The following PDZD2 variants were observed in gnomAD, a reference collection of about 807,000 sequenced individuals.
PDZD2 encodes PDZ domain-containing protein 2.
A neutral mutation model predicts 220.7 loss-of-function variants in PDZD2; 90 were observed. The ratio of observed to expected loss-of-function variants is 0.41; its 90% CI spans 0.34 to 0.49. The LOEUF (loss-of-function observed/expected upper bound fraction) is 0.49. Among genes scored for constraint, PDZD2 ranks in the 20% least tolerant of loss-of-function variants. PDZD2 has a pLI of 0.28. For missense variants in PDZD2, 3,174 were observed against 3,608.5 expected (o/e 0.88, Z 3.08); for synonymous variants, 1,375 against 1,450.5 (o/e 0.95, Z 1.18).
At chr5:32,067,214 A>G (rs1028075044) in intron 14 of PDZD2, among the ~76,000 whole-genome samples, 7 of 152,184 alleles carry the variant, frequency 4.6e-5, no homozygotes, top group Non-Finnish European at 7.3e-5. Context: ...CAGTTGGGTT[A>G]CTTAAGCCTT....
rs1743931466 is a variant in PDZD2, at chr5:32,098,359, C to G, written c.7948-5C>G. The G allele has an allele frequency of 3.7e-6, 6 of 1,613,294 alleles. No homozygotes were observed. The highest frequency in any genetic ancestry group is 5.1e-6 in the Non-Finnish European group (6 of 1,179,490). On this transcript the variant is annotated splice_region_variant and splice_polypyrimidine_tract_variant and intron_variant, in intron 22 of 24. Transcript: ENST00000438447. The surrounding 1 kb of genome is among the most constrained non-coding windows in gnomAD (Gnocchi z 4.1). The stretch of plus-strand genomic sequence containing the variant: ...TTTTGTTCCCTTTTCCTTTCCTCAT[C>G]CCAGGTCCACAGGGTGTTTTCTCAG...
intron 14 of PDZD2, among the ~76,000 whole-genome samples, chr5:32,069,128 T>C (rs1740504697): frequency 6.6e-6 from 1 of 151,828 alleles, no homozygotes; most frequent in African/African-American, 2.4e-5. Flanking sequence ...TAGCCAGGCG[T>C]GGTGGTGCGC....
chr5:31,735,447 G>A (rs1749801304), intron 1 of PDZD2, among the ~76,000 whole-genome samples: 1 of 152,152 alleles, frequency 6.6e-6, no homozygotes, highest in Non-Finnish European at 1.5e-5. Flanking sequence ...ATCTGGTAAA[G>A]CTAACCAAGA....
chr5:31,988,447 G>A (rs1561275054), intron 3 of PDZD2, among the ~76,000 whole-genome samples: 3 of 147,508 alleles, frequency 2.0e-5, no homozygotes, highest in African/African-American at 2.5e-5. Flanking sequence ...GGGGTGGGGG[G>A]GGTGCATCAC....
intron 3 of PDZD2, among the ~76,000 whole-genome samples, chr5:31,984,600 G>A (rs796318603): frequency 9.2e-5 from 14 of 152,296 alleles, no homozygotes; most frequent in African/African-American, 3.4e-4. Flanking sequence ...CCAGCAGCTT[G>A]TGACTGTAGT....
intron 2 of PDZD2, chr5:31,840,441 TA>T (rs1561499382): frequency 0.042 from 4,065 of 95,944 alleles, 462 homozygotes; most frequent in Non-Finnish European, 0.048. Flanking sequence ...TATATATATA[TA>T]TATATATTTG....
Position 32,076,307 on chromosome 5 carries a change from A to C in PDZD2, c.3538-1155A>C, listed in dbSNP as rs1004299385. ...TCTCAAGAAAAAAAAAAAAAAAAAAAAACAAATCACAAGTTTTGGATAACT... is the reference window on the plus strand; with the variant it reads ...TCTCAAGAAAAAAAAAAAAAAAAAACAACAAATCACAAGTTTTGGATAACT... On this transcript the variant is annotated intron_variant, in intron 18 of 24. Transcript: ENST00000438447. Among the ~76,000 whole-genome samples the C allele has an allele frequency of 3.3e-5, 5 of 151,538 alleles. No individual in the cohort carries two copies. The East Asian group carries it at 5.8e-4, about 17-fold the overall frequency.
At chr5:32,052,302 C>T (rs1237752322) in intron 8 of PDZD2, among the ~76,000 whole-genome samples, 4 of 152,166 alleles carry the variant, frequency 2.6e-5, no homozygotes, top group Admixed American at 1.3e-4. Flanking sequence ...TCCACCACCA[C>T]ACCCAGCTAA....
intron 2 of PDZD2, among the ~76,000 whole-genome samples, chr5:31,807,955 C>T (rs998977864): frequency 1.3e-5 from 2 of 152,198 alleles, no homozygotes; most frequent in African/African-American, 4.8e-5. Flanking sequence ...AGGGTTGTTG[C>T]AAGCTTAGGC....
chr5:31,982,903 A>T (rs1386439051), intron 2 of PDZD2, among the ~76,000 whole-genome samples: 1 of 152,174 alleles, frequency 6.6e-6, no homozygotes. Context: ...TCCTGATCCT[A>T]CGGTACTTAA....
intron 2 of PDZD2, among the ~76,000 whole-genome samples, chr5:31,888,067 T>C (rs1372535807): frequency 6.6e-6 from 1 of 152,194 alleles, no homozygotes; most frequent in Non-Finnish European, 1.5e-5. Context: ...TTTACAGCAG[T>C]GGAATTTGGA....
intron 1 of PDZD2, among the ~76,000 whole-genome samples, chr5:31,751,396 G>C (rs938997408): frequency 2.0e-5 from 3 of 152,126 alleles, no homozygotes; most frequent in Non-Finnish European, 4.4e-5. Context: ...AATGATGGGG[G>C]CTTGTGCTAT....
intron 2 of PDZD2, among the ~76,000 whole-genome samples, chr5:31,898,096 C>T (rs577569693): frequency 6.6e-6 from 1 of 152,288 alleles, no homozygotes; most frequent in South Asian, 2.1e-4. Flanking sequence ...TCATTTGTCT[C>T]CTCCCTGGAG....
intron 2 of PDZD2, among the ~76,000 whole-genome samples, chr5:31,811,149 T>C (rs1356271417): frequency 6.6e-6 from 1 of 152,182 alleles, no homozygotes; most frequent in Non-Finnish European, 1.5e-5. Flanking sequence ...CATGCCCGGC[T>C]AATTTTTTGT....
intron 2 of PDZD2, among the ~76,000 whole-genome samples, chr5:31,881,326 A>ATGTGTGTG (rs67969355): frequency 9.4e-4 from 116 of 123,246 alleles, no homozygotes; most frequent in Non-Finnish European, 1.2e-3. Flanking sequence ...TTCCATATAT[A>ATGTGTGTG]TGTGTGTGTG....
chr5:31,929,571 C>T, intron 2 of PDZD2, among the ~76,000 whole-genome samples: 1 of 152,182 alleles, frequency 6.6e-6, no homozygotes, highest in Non-Finnish European at 1.5e-5. Flanking sequence ...AGTGGAAGGC[C>T]AGGCGCAGTG....
chr5:31,647,436 G>A (rs566445359), intron 1 of PDZD2, among the ~76,000 whole-genome samples: 9 of 152,256 alleles, frequency 5.9e-5, no homozygotes, highest in South Asian at 4.1e-4. Flanking sequence ...TCACAGGTCC[G>A]AAGTCTGAAA....
chr5:31,715,045 C>T (rs1195620884), intron 1 of PDZD2, among the ~76,000 whole-genome samples: 3 of 74,948 alleles, frequency 4.0e-5, no homozygotes, highest in African/African-American at 6.3e-5. Flanking sequence ...GGCAACAGAG[C>T]GACACTCTGT....
chr5:32,054,517 G>C (rs1283593415), intron 10 of PDZD2, among the ~76,000 whole-genome samples: 1 of 151,426 alleles, frequency 6.6e-6, no homozygotes, highest in Non-Finnish European at 1.5e-5. Context: ...TAGAGACGAG[G>C]TTCCACCATG....
Sources: gnomAD v4.1 joint callset for allele counts (sites outside exome capture counted in the v4.1 genomes callset) on GRCh38, gnomAD v4.1.1 for gene constraint, Gnocchi (gnomAD v3.1) non-coding constraint, MANE v1.5 for transcripts, NCBI Gene and HGNC (gene_info 2026-07-23, HGNC 2026-07-21) for gene names.